The following ZNF251 variants were observed in gnomAD, a reference collection of about 807,000 sequenced individuals.
The protein encoded by ZNF251 is zinc finger protein 251.
A neutral mutation model predicts 13.5 loss-of-function variants in ZNF251; 14 were observed. The ratio of observed to expected loss-of-function variants is 1.04; its 90% confidence interval spans 0.69 to 1.63. The LOEUF (loss-of-function observed/expected upper bound fraction) is 1.63. Ranked by LOEUF, ZNF251 falls within the 40% of genes most tolerant of loss-of-function variation. ZNF251 has a pLI of 0.00. For synonymous variants in ZNF251, 287 were observed against 295.2 expected (o/e 0.97, Z 0.28); for missense variants, 764 against 834.9 (o/e 0.92, Z 1.05).
chr8:144,751,373 C>T (rs1204232824), intron 4 of ZNF251, among the ~76,000 whole-genome samples: 1 of 152,126 alleles, frequency 6.6e-6, no homozygotes, highest in African/African-American at 2.4e-5. Flanking sequence ...GAAATTATCA[C>T]ATTGTCTTTC....
intron 4 of ZNF251, among the ~76,000 whole-genome samples, chr8:144,740,075 C>G (rs1258275119): frequency 2.0e-5 from 3 of 151,786 alleles, no homozygotes; most frequent in Non-Finnish European, 4.4e-5. Context: ...CACCTGAGGT[C>G]CGGAGTTCGA....
intron 4 of ZNF251, among the ~76,000 whole-genome samples, chr8:144,738,874 G>C (rs1189387887): frequency 6.6e-6 from 1 of 152,142 alleles, no homozygotes; most frequent in Admixed American, 6.5e-5. Context: ...ACCTGTTTGG[G>C]AAGAAGTTGC....
chr8:144,754,888 G>A, intron 1 of ZNF251, 85 bp from the exon 2 acceptor site: 1 of 1,455,558 alleles, frequency 6.9e-7, no homozygotes, highest in Non-Finnish European at 9.1e-7. Flanking sequence ...TTGCTGCTGT[G>A]GCCTCCTGGG....
At chr8:144,753,613 C>A (rs1400172478) in intron 4 of ZNF251, 70 bp downstream of exon 4, 1 of 1,278,234 alleles carries the variant, frequency 7.8e-7, no homozygotes, top group South Asian at 1.3e-5. Flanking sequence ...CCCCAGCTGT[C>A]CCTCGCTTGG....
chr8:144,751,238 A>C (rs1344716999), intron 4 of ZNF251, among the ~76,000 whole-genome samples: 1 of 152,312 alleles, frequency 6.6e-6, no homozygotes, highest in African/African-American at 2.4e-5. Flanking sequence ...CAGTTTGTTC[A>C]GCTTTTTACT....
chr8:144,754,487 C>T, intron 2 of ZNF251, 166 bp from the exon 3 acceptor site: 1 of 1,445,622 alleles, frequency 6.9e-7, no homozygotes, highest in Non-Finnish European at 9.1e-7. Context: ...TGAGGACCAG[C>T]CAACTTCAGC....
At position 144,754,708 on chromosome 8, in the gene ZNF251, A is replaced by T; in HGVS notation, c.21T>A (p.Leu7=). Residue 7 remains leucine, a synonymous_variant, in exon 2 of 5, where the codon CTT becomes CTA. Coordinates refer to ENST00000292562, the MANE Select transcript of ZNF251 (RefSeq NM_138367.2). The part of the protein sequence containing the change: MAATFQ[L]PGHQEMPLTF... ...AGGGTTAACTCACCTGGTGCCCTGG[A>T]AGCTGGAATGTGGCTGCCATTCTGT... 6.2e-7 allele frequency: 1 copy of T among 1,611,758 alleles called. No homozygotes were observed. Among genetic ancestry groups the T allele is most frequent in the Non-Finnish European group, 8.5e-7 (1 of 1,178,978 alleles).
At chr8:144,737,804 C>G (rs968939510) in intron 4 of ZNF251, among the ~76,000 whole-genome samples, 43 of 137,698 alleles carry the variant, frequency 3.1e-4, no homozygotes, top group African/African-American at 1.1e-3. Context: ...CACCACTGCA[C>G]TCCAGCCTGG....
chr8:144,730,103 A>T (rs1007373699), intron 4 of ZNF251: 29 of 985,334 alleles, frequency 2.9e-5, no homozygotes, highest in Non-Finnish European at 3.5e-5. Context: ...GTACATCACC[A>T]GAGTCGGCTG....
At chr8:144,744,370 C>A (rs1425024852) in intron 4 of ZNF251, among the ~76,000 whole-genome samples, 2 of 152,108 alleles carry the variant, frequency 1.3e-5, no homozygotes, top group African/African-American at 4.8e-5. Flanking sequence ...GGTGTTGTAC[C>A]TAAAAACTCA....
rs969022496 is a variant in ZNF251, at chr8:144,722,666, G to T, written c.994C>A (p.Gln332Lys). 1 of 1,614,044 alleles carries T rather than the reference G, an allele frequency of 6.2e-7. No homozygotes were observed. The highest frequency in any genetic ancestry group is 8.5e-7 in the Non-Finnish European group (1 of 1,179,976). The change falls in exon 5 of 5, where the codon CAG becomes AAG. Residue 332 changes from glutamine (Q) to lysine (K), a missense_variant. Physicochemically the swap from Gln to Lys is moderately conservative, Grantham distance 53 (BLOSUM62 1). Coordinates refer to ENST00000292562, the MANE Select transcript of ZNF251 (RefSeq NM_138367.2). This position sits in a 1 kb window ranked among gnomAD's most constrained non-coding sequence, Gnocchi z 4.8. ...KCNECGRGFS[Q>K]SPQLTQHQRI... ...TGATGCTGAGTTAACTGGGGGCTCT[G>T]GCTAAAGCCTCTTCCACATTCATTA...
rs747594687 is a variant in ZNF251, at chr8:144,722,231, T to A, written c.1429A>T (p.Thr477Ser). ...CCAGTGTGAACTCGCTGATGTAGGGTGAGCTGGGAGCTCTGGCTGAAAGCT... is the reference window on the plus strand; with the variant it reads ...CCAGTGTGAACTCGCTGATGTAGGGAGAGCTGGGAGCTCTGGCTGAAAGCT... ...GKAFSQSSQL[T>S]LHQRVHTGEK... The change falls in exon 5 of 5, where the codon ACC (threonine) becomes TCC (serine). Residue 477 changes from threonine to serine, a missense_variant. Coordinates refer to ENST00000292562, the MANE Select transcript of ZNF251 (RefSeq NM_138367.2). This position sits in a 1 kb window ranked among gnomAD's most constrained non-coding sequence, Gnocchi z 4.8. 1 of 1,613,682 alleles carries A rather than the reference T, an allele frequency of 6.2e-7. No homozygotes were observed. The highest frequency in any genetic ancestry group is 1.7e-5 in the Admixed American group (1 of 59,986).
chr8:144,745,276 T>C (rs1364846526), intron 4 of ZNF251, among the ~76,000 whole-genome samples: 1 of 151,684 alleles, frequency 6.6e-6, no homozygotes, highest in Non-Finnish European at 1.5e-5. Context: ...TTGAGGTGTG[T>C]TTGTTCCCTT....
At chr8:144,741,676 A>C (rs1024192438) in intron 4 of ZNF251, among the ~76,000 whole-genome samples, 2 of 152,226 alleles carry the variant, frequency 1.3e-5, no homozygotes, top group Non-Finnish European at 2.9e-5. Flanking sequence ...AAAAGGAATA[A>C]AACAGTCATT....
At chr8:144,755,048 C>T (rs1267664297) in intron 1 of ZNF251, 13 of 1,346,356 alleles carry the variant, frequency 9.7e-6, no homozygotes, top group African/African-American at 1.5e-5. Context: ...TGGTCCAGAC[C>T]TGCTGAAGGC....
intron 4 of ZNF251, among the ~76,000 whole-genome samples, chr8:144,731,470 T>C (rs1462497792): frequency 6.6e-6 from 1 of 152,250 alleles, no homozygotes; most frequent in Non-Finnish European, 1.5e-5. Flanking sequence ...GTGCATTTCA[T>C]TTATATAATT....
rs896673934 is a variant in ZNF251, at chr8:144,734,948, C to G, written c.278-11566G>C. ...AATTAGCCAGACGTGGTGGTGCATGCCTGTGATCCCAGCTACTTGGGAGGC... is the reference window on the plus strand; with the variant it reads ...AATTAGCCAGACGTGGTGGTGCATGGCTGTGATCCCAGCTACTTGGGAGGC... On this transcript the variant is annotated intron_variant, in intron 4 of 4. Transcript: ENST00000292562. This position sits in a 1 kb window ranked among gnomAD's most constrained non-coding sequence, Gnocchi z 4.4. Among the ~76,000 whole-genome samples, 3 of 151,972 alleles carry G rather than the reference C, an allele frequency of 2.0e-5. No homozygotes were observed. Among genetic ancestry groups the G allele is most frequent in the African/African-American group, 7.3e-5 (3 of 41,358 alleles).
At chr8:144,731,089 C>G (rs1201109059) in intron 4 of ZNF251, among the ~76,000 whole-genome samples, 1 of 152,206 alleles carries the variant, frequency 6.6e-6, no homozygotes, top group East Asian at 1.9e-4. Flanking sequence ...ACCGAGGAAG[C>G]CCCATGATGT....
chr8:144,751,753 A>G (rs1401667004), intron 4 of ZNF251, among the ~76,000 whole-genome samples: 4 of 152,196 alleles, frequency 2.6e-5, no homozygotes, highest in African/African-American at 9.6e-5. Flanking sequence ...ACTAAACACT[A>G]CAATTAAAAG....
Sources: gnomAD v4.1 joint callset for allele counts (sites outside exome capture counted in the v4.1 genomes callset) on GRCh38, gnomAD v4.1.1 for gene constraint, Gnocchi (gnomAD v3.1) non-coding constraint, MANE v1.5 for transcripts, NCBI Gene and HGNC (gene_info 2026-07-23, HGNC 2026-07-21) for gene names.